The following G2E3 variants were observed in gnomAD, a reference collection of about 807,000 sequenced individuals.
The protein encoded by G2E3 is G2/M-phase specific E3 ubiquitin protein ligase, also known as G2/M phase-specific E3 ubiquitin-protein ligase.
A neutral mutation model predicts 92.8 loss-of-function variants in G2E3; 35 were observed. That is an observed-to-expected ratio of 0.38 (90% CI 0.29 to 0.50). The LOEUF is 0.50. Among genes scored for constraint, G2E3 ranks in the 20% least tolerant of loss-of-function variants. G2E3 has a pLI of 0.94. For synonymous variants in G2E3, 242 were observed against 272.4 expected (o/e 0.89, Z 1.10); for missense variants, 554 against 823.8 (o/e 0.67, Z 4.01).
intron 13 of G2E3, among the ~76,000 whole-genome samples, chr14:30,615,096 G>A (rs143654861): frequency 2.6e-5 from 4 of 152,172 alleles, no homozygotes; most frequent in Non-Finnish European, 4.4e-5. Flanking sequence ...AATAATGTAG[G>A]TACATAAAAT....
In G2E3 at chr14:30,584,826, C is replaced by CT. The variant is rs11322769; in HGVS notation, c.38-1872dup. On this transcript the variant is annotated intron_variant, in intron 2 of 14. Transcript: ENST00000206595. ...TGTCTTTCACTCTCTTGATAGTGTC[C>CT]TTTTTTTTTTTTTTTTTTTTGAGAC... 6.4e-3 allele frequency among the ~76,000 whole-genome samples: 484 copies of CT among 75,370 alleles called. 11 individuals are homozygous for CT. Among genetic ancestry groups the CT allele is most frequent in the African/African-American group, 0.017 (292 of 17,536 alleles). The allele number at this position is 75,370 out of a possible 152,430, so 49.4% of individuals were successfully genotyped here.
At chr14:30,585,321 A>C (rs1011419824) in intron 2 of G2E3, among the ~76,000 whole-genome samples, 1 of 152,090 alleles carries the variant, frequency 6.6e-6, no homozygotes, top group African/African-American at 2.4e-5. Flanking sequence ...CTGGTATTTA[A>C]TTAATTTGTA....
chr14:30,593,369 T>G, intron 5 of G2E3, 105 bp from the exon 6 acceptor site: 2 of 603,494 alleles, frequency 3.3e-6, no homozygotes, highest in East Asian at 2.9e-5. Context: ...AGGTGAATTA[T>G]GAGACAGACA....
chr14:30,599,964 C>T (rs906261799), intron 8 of G2E3, among the ~76,000 whole-genome samples: 6 of 152,104 alleles, frequency 3.9e-5, no homozygotes, highest in East Asian at 1.9e-4. Flanking sequence ...TCAGTGGATA[C>T]GGCTCTTTTC....
chr14:30,592,276 A>G (rs1840574562), intron 4 of G2E3, 47 bp from the exon 5 acceptor site: 1 of 1,542,586 alleles, frequency 6.5e-7, no homozygotes, highest in Non-Finnish European at 8.9e-7. Context: ...ATATTATAAT[A>G]CTCAGATTTT....
chr14:30,607,748 T>C, intron 11 of G2E3, 140 bp from the exon 12 acceptor site: 3 of 535,662 alleles, frequency 5.6e-6, no homozygotes, highest in Non-Finnish European at 9.8e-6. Flanking sequence ...AGGTAAGATC[T>C]ATATTTTCTA....
intron 3 of G2E3, 79 bp from the exon 4 acceptor site, chr14:30,589,304 T>C: frequency 1.3e-6 from 1 of 775,016 alleles, no homozygotes; most frequent in Non-Finnish European, 2.2e-6. Flanking sequence ...TTTATTAGAC[T>C]GAATAGTATG....
intron 10 of G2E3, among the ~76,000 whole-genome samples, chr14:30,605,290 G>C (rs1487602060): frequency 6.6e-6 from 1 of 152,186 alleles, no homozygotes; most frequent in Admixed American, 6.5e-5. Flanking sequence ...TTTGGTAAAA[G>C]ATTGGGGTGA....
intron 8 of G2E3, among the ~76,000 whole-genome samples, chr14:30,599,109 C>T (rs1348788820): frequency 1.3e-5 from 2 of 152,170 alleles, no homozygotes; most frequent in Non-Finnish European, 2.9e-5. Flanking sequence ...TGTCCTCACA[C>T]GAGTTGTCCC....
chr14:30,588,409 C>T (rs538727123), intron 3 of G2E3, among the ~76,000 whole-genome samples: 27 of 151,186 alleles, frequency 1.8e-4, no homozygotes, highest in Non-Finnish European at 3.7e-4. Flanking sequence ...TTTTTCTTTA[C>T]GATATACTGG....
intron 1 of G2E3, among the ~76,000 whole-genome samples, chr14:30,565,954 C>T (rs936334575): frequency 6.6e-6 from 1 of 152,150 alleles, no homozygotes; most frequent in Non-Finnish European, 1.5e-5. Flanking sequence ...GCCACCACAC[C>T]TGGCCAACTT....
At chr14:30,576,460 G>A (rs1253869213) in intron 1 of G2E3, among the ~76,000 whole-genome samples, 2 of 152,116 alleles carry the variant, frequency 1.3e-5, no homozygotes, top group Non-Finnish European at 2.9e-5. Context: ...ATAAGAATGG[G>A]CAAAGATTTC....
intron 6 of G2E3, among the ~76,000 whole-genome samples, chr14:30,596,436 G>T (rs1881296350): frequency 6.6e-6 from 1 of 152,086 alleles, no homozygotes; most frequent in African/African-American, 2.4e-5. Flanking sequence ...AGTTTGGCAA[G>T]AATGTAATCC....
intron 1 of G2E3, among the ~76,000 whole-genome samples, chr14:30,572,125 C>G (rs1441604631): frequency 6.6e-6 from 1 of 151,984 alleles, no homozygotes; most frequent in African/African-American, 2.4e-5. Flanking sequence ...AAGTTTTTAC[C>G]TATTGTGAAT....
chr14:30,615,249 C>G (rs1276778804), intron 13 of G2E3, 100 bp from the exon 14 acceptor site: 1 of 588,946 alleles, frequency 1.7e-6, no homozygotes, highest in African/African-American at 1.9e-5. Context: ...AAATCATTAG[C>G]TGTTTTGAAA....
intron 5 of G2E3, among the ~76,000 whole-genome samples, 155 bp from the exon 6 acceptor site, chr14:30,593,319 G>A (rs2138855490): frequency 6.6e-6 from 1 of 152,274 alleles, no homozygotes; most frequent in Non-Finnish European, 1.5e-5. Flanking sequence ...GTCATAGATT[G>A]TGAGACTTAA....
chr14:30,563,695 TTGTGTGTGTGTGTGTGTGTGTG>T (rs56029424), intron 1 of G2E3, among the ~76,000 whole-genome samples: 4,190 of 141,300 alleles, frequency 0.03, 94 homozygotes, highest in Non-Finnish European at 0.049. Context: ...TTTGTTACTT[TTGTGTGTGTGTGTGTGTGTGTG>T]TGTGTGTGTG....
chr14:30,559,445 G>T (rs968188784), intron 1 of G2E3, 173 bp downstream of exon 1: 1 of 152,274 alleles, frequency 6.6e-6, no homozygotes, highest in African/African-American at 2.4e-5. Flanking sequence ...GGCACTGGGG[G>T]CGTTTGCTGG....
At chr14:30,615,306 C>A in intron 13 of G2E3, 43 bp from the exon 14 acceptor site, 2 of 970,644 alleles carry the variant, frequency 2.1e-6, no homozygotes, top group African/African-American at 1.6e-5. Context: ...TAATACCAAA[C>A]ACACATGTAT....
Sources: allele counts gnomAD v4.1 joint callset (sites outside exome capture counted in the v4.1 genomes callset), GRCh38; gene constraint gnomAD v4.1.1; transcripts MANE v1.5; gene names NCBI Gene and HGNC (gene_info 2026-07-23, HGNC 2026-07-21).